Variants in PDE10A observed in about 807,000 individuals in gnomAD.
The protein encoded by PDE10A is phosphodiesterase 10A, also known as cAMP and cAMP-inhibited cGMP 3',5'-cyclic phosphodiesterase 10A.
PDE10A carries 39 observed loss-of-function variants against 97.7 expected under a neutral mutation model. The observed-to-expected ratio is 0.40, with a 90% confidence interval of 0.31 to 0.52. The LOEUF (loss-of-function observed/expected upper bound fraction) is 0.52. Ranked by LOEUF, PDE10A falls within the 20% of genes least tolerant of loss-of-function variation. The pLI, the probability that PDE10A is intolerant of heterozygous loss-of-function variation, is 0.56. For missense variants in PDE10A, 731 were observed against 1,047.8 expected (o/e 0.70, Z 4.17); for synonymous variants, 371 against 376.8 (o/e 0.98, Z 0.18).
chr6:165,561,522 G>A (rs949135809), intron 1 of PDE10A, among the ~76,000 whole-genome samples: 10 of 152,114 alleles, frequency 6.6e-5, no homozygotes, highest in African/African-American at 2.4e-4. Flanking sequence ...CATCAGAAAA[G>A]GGAAATAATA....
chr6:165,913,796 G>A (rs1782531805), intron 1 of PDE10A, among the ~76,000 whole-genome samples: 2 of 152,192 alleles, frequency 1.3e-5, no homozygotes, highest in Non-Finnish European at 2.9e-5. Context: ...CTATAGCAAA[G>A]ACATGTGCAT....
chr6:165,474,095 T>TC (rs369668473), intron 3 of PDE10A, among the ~76,000 whole-genome samples: 77 of 152,338 alleles, frequency 5.1e-4, no homozygotes, highest in African/African-American at 1.7e-3. Flanking sequence ...ATGTTAATCC[T>TC]CCTTTTTGGG....
chr6:165,607,745 C>A (rs545232782), intron 1 of PDE10A, among the ~76,000 whole-genome samples: 2 of 152,224 alleles, frequency 1.3e-5, no homozygotes, highest in South Asian at 4.1e-4. Context: ...TTTGGAGATT[C>A]ATTCAGTTTA....
intron 1 of PDE10A, among the ~76,000 whole-genome samples, chr6:165,581,597 C>T (rs545204844): frequency 1.3e-5 from 2 of 152,172 alleles, no homozygotes; most frequent in African/African-American, 2.4e-5. Context: ...GTCTGTGGTA[C>T]TTGTTGGAGC....
chr6:165,700,218 G>A (rs1791534452), intron 1 of PDE10A, among the ~76,000 whole-genome samples: 1 of 152,160 alleles, frequency 6.6e-6, no homozygotes, highest in Non-Finnish European at 1.5e-5. Flanking sequence ...CATACTGGAT[G>A]AGCCCATTAA....
chr6:165,439,597 A>C (rs1790283199), intron 5 of PDE10A, among the ~76,000 whole-genome samples: 4 of 152,212 alleles, frequency 2.6e-5, no homozygotes. Flanking sequence ...AGAGGCCAGG[A>C]AGTCCTAGGG....
intron 1 of PDE10A, among the ~76,000 whole-genome samples, chr6:165,957,162 C>T (rs775951556): frequency 2.6e-5 from 4 of 152,074 alleles, no homozygotes; most frequent in Non-Finnish European, 5.9e-5. Flanking sequence ...ACACCTTTAC[C>T]TAAAAGCCAC....
chr6:165,879,198 A>AT (rs1258670729), intron 1 of PDE10A, among the ~76,000 whole-genome samples: 2 of 152,264 alleles, frequency 1.3e-5, no homozygotes, highest in African/African-American at 4.8e-5. Flanking sequence ...TCAGACAATT[A>AT]TTCCTGTAGG....
chr6:165,558,468 G>T (rs960719825), intron 1 of PDE10A, among the ~76,000 whole-genome samples: 1 of 152,118 alleles, frequency 6.6e-6, no homozygotes, highest in African/African-American at 2.4e-5. Flanking sequence ...GTTGGGGGAC[G>T]GGGGAGGGAT....
chr6:165,783,467 A>G (rs1778399889), intron 1 of PDE10A, among the ~76,000 whole-genome samples: 1 of 152,256 alleles, frequency 6.6e-6, no homozygotes, highest in Non-Finnish European at 1.5e-5. Flanking sequence ...AGAAATGAGT[A>G]CACTTAAAAA....
At chr6:165,595,358 G>C (rs986200961) in intron 1 of PDE10A, among the ~76,000 whole-genome samples, 1 of 152,180 alleles carries the variant, frequency 6.6e-6, no homozygotes, top group Admixed American at 6.5e-5. Context: ...AAGAAAACTG[G>C]CTCAATTATC....
At chr6:165,510,952 A>C (rs1487519554) in intron 2 of PDE10A, among the ~76,000 whole-genome samples, 8 of 151,230 alleles carry the variant, frequency 5.3e-5, no homozygotes, top group Admixed American at 5.3e-4. Context: ...TTTTTTTTTA[A>C]CTTTTCCAAA....
intron 2 of PDE10A, among the ~76,000 whole-genome samples, chr6:165,503,720 A>G (rs920642130): frequency 6.6e-6 from 1 of 152,228 alleles, no homozygotes. Flanking sequence ...CCAACTCTGG[A>G]AAATAGTTTG....
chr6:165,582,806 A>G (rs1349711937), intron 1 of PDE10A, among the ~76,000 whole-genome samples: 1 of 152,192 alleles, frequency 6.6e-6, no homozygotes, highest in Non-Finnish European at 1.5e-5. Flanking sequence ...TGTCCTTTTC[A>G]AATTGTTACA....
At chr6:165,370,032 G>A (rs1195290177) in intron 18 of PDE10A, among the ~76,000 whole-genome samples, 2 of 152,038 alleles carry the variant, frequency 1.3e-5, no homozygotes, top group African/African-American at 4.8e-5. Flanking sequence ...CAAATGCTGA[G>A]AGATTCTGTT....
At chr6:165,841,929 C>A (rs902717630) in intron 1 of PDE10A, among the ~76,000 whole-genome samples, 3 of 152,140 alleles carry the variant, frequency 2.0e-5, no homozygotes, top group Non-Finnish European at 4.4e-5. Context: ...GATTTTTGCT[C>A]AACCTGAACT....
At chr6:165,870,495 C>A (rs1583214127) in intron 1 of PDE10A, among the ~76,000 whole-genome samples, 1 of 152,176 alleles carries the variant, frequency 6.6e-6, no homozygotes, top group African/African-American at 2.4e-5. Flanking sequence ...AACTCTCATA[C>A]ACTCTTAGTA....
chr6:165,939,811 G>A (rs980611052), intron 1 of PDE10A: 1 of 152,210 alleles, frequency 6.6e-6, no homozygotes, highest in African/African-American at 2.4e-5. Context: ...TTTGTAACCT[G>A]AGGCTGCCTG....
At chr6:165,357,146 G>A (rs1783078970) in intron 18 of PDE10A, among the ~76,000 whole-genome samples, 1 of 152,090 alleles carries the variant, frequency 6.6e-6, no homozygotes, top group South Asian at 2.1e-4. Context: ...ATAATCATAT[G>A]ATGTCTCTTC....
Sources: gnomAD v4.1 joint callset for allele counts (sites outside exome capture counted in the v4.1 genomes callset) on GRCh38, gnomAD v4.1.1 for gene constraint, MANE v1.5 for transcripts, NCBI Gene and HGNC (gene_info 2026-07-23, HGNC 2026-07-21) for gene names.